POM121: variants seen among roughly 807,000 people sequenced by gnomAD.
POM121 encodes nuclear envelope pore membrane protein POM 121.
Under a neutral mutation model 81.3 loss-of-function variants are expected in POM121, and 32 were observed. The observed-to-expected ratio is 0.39, with a 90% CI of 0.30 to 0.53. POM121 has a LOEUF of 0.53. POM121 is among the 20% of genes least tolerant of loss of function. The probability of loss-of-function intolerance (pLI) is 0.66; values close to 1 mark genes in which losing one functional copy is unlikely to be tolerated. For missense variants in POM121, 1,138 were observed against 1,614.6 expected (o/e 0.70, Z 5.06); for synonymous variants, 514 against 694.2 (o/e 0.74, Z 4.08).
chr7:72,910,768 G>A (rs1353334176), intron 3 of POM121, among the ~76,000 whole-genome samples: 3 of 152,002 alleles, frequency 2.0e-5, no homozygotes, highest in Non-Finnish European at 4.4e-5. Flanking sequence ...GCTGTCATTT[G>A]GCTCGAAAGA....
rs1292417449 is a variant in POM121, at chr7:72,925,149, G to T, written c.28G>T (p.Ala10Ser). The part of the protein sequence containing the change: MSPAAAAAG[A>S]GERRRPIASV... ...GTCTCCGGCGGCTGCGGCGGCTGGA[G>T]CAGGCGAGCGGCGGCGGCCCATAGC... Residue 10 changes from alanine to serine, a missense_variant, in exon 1 of 13, where the codon GCA becomes TCA. Around this residue, in one of 7 missense-constraint regions of POM121, gnomAD observed 646 missense variants for 633.5 expected, o/e 1.02. Coordinates refer to ENST00000434423, the MANE Select transcript of POM121 (RefSeq NM_001387691.1). 2.0e-6 allele frequency: 3 copies of T among 1,467,236 alleles called. No individual in the cohort carries two copies. In the South Asian group the frequency reaches 4.0e-5, roughly 20 times the overall value. 90.9% of individuals were successfully genotyped at this position (1,467,236 alleles called of 1,614,324 possible). A position where few individuals can be genotyped will look rare whatever the true frequency, so the allele number is the denominator to read the frequency against.
chr7:72,925,440 G>A lies in POM121; in HGVS notation c.319G>A (p.Ala107Thr). 1 of 1,533,826 alleles carries A rather than the reference G, an allele frequency of 6.5e-7. No homozygotes were observed. Among genetic ancestry groups the A allele is most frequent in the East Asian group, 2.4e-5 (1 of 40,896 alleles). ...GGCGCGTCATCGGCGAACACTGTTC[G>A]CTTCGCCTCTGGCCAAGTCGACAGC... Reference protein sequence around the residue: ...RKARHRRTLFASPLAKSTANG... With the variant: ...RKARHRRTLFTSPLAKSTANG... The change falls in exon 1 of 13, where the codon GCT becomes ACT. Residue 107 changes from alanine (A) to threonine (T), a missense_variant. By Grantham distance (58) the Ala-to-Thr change is moderately conservative. This residue lies in a region of POM121 where 646 missense variants were observed against 633.5 expected (regional missense o/e 1.02). Coordinates refer to ENST00000434423, the MANE Select transcript of POM121 (RefSeq NM_001387691.1).
At chr7:72,926,596 G>A in intron 2 of POM121, 119 bp downstream of exon 2, 2 of 1,519,450 alleles carry the variant, frequency 1.3e-6, no homozygotes, top group Non-Finnish European at 1.8e-6. Flanking sequence ...TATTTGATGA[G>A]AAATACCAAA....
At chr7:72,886,983 C>T (rs1203130888) in intron 1 of POM121, among the ~76,000 whole-genome samples, 11 of 151,632 alleles carry the variant, frequency 7.3e-5, no homozygotes, top group East Asian at 5.8e-4. Context: ...TTCAAGTACC[C>T]GCCACCTCCC....
downstream of POM121, chr7:72,948,344 C>G (rs782172536): frequency 6.2e-7 from 1 of 1,610,282 alleles, no homozygotes; most frequent in Non-Finnish European, 8.5e-7. Flanking sequence ...CTTTTGCTCA[C>G]CAGCAAGAAC....
chr7:72,921,277 CTG>C (rs1293593658), upstream of POM121, among the ~76,000 whole-genome samples: 1 of 152,194 alleles, frequency 6.6e-6, no homozygotes, highest in Non-Finnish European at 1.5e-5. Flanking sequence ...AACCAAGTAT[CTG>C]TGCACCCCAT....
At chr7:72,911,428 T>G (rs1463441740) in intron 3 of POM121, among the ~76,000 whole-genome samples, 1 of 152,220 alleles carries the variant, frequency 6.6e-6, no homozygotes. Flanking sequence ...TACTTCTCAT[T>G]TTAGCGGCAA....
Position 72,890,507 on chromosome 7 carries a change from A to G in POM121, c.-520-120A>G. 3.6e-5 allele frequency: 43 copies of G among 1,205,750 alleles called. No individual in the cohort carries two copies. In the South Asian group the frequency reaches 6.1e-4, roughly 17 times the overall value. The allele number at this position is 1,205,750 out of a possible 1,614,324, so 74.7% of individuals were successfully genotyped here. A position where few individuals can be genotyped will look rare whatever the true frequency, so the allele number is the denominator to read the frequency against. On this transcript the variant is annotated intron_variant, in intron 1 of 15. Coordinates refer to the POM121 transcript ENST00000395270. The stretch of plus-strand genomic sequence containing the variant: ...TTTCCAATATGATTTCCCTTCCATA[A>G]TCTGTAACATAAAATAAGGTATACA...
Position 72,946,848 on chromosome 7 carries a change from G to T in POM121, c.*614G>T. The T allele has an allele frequency of 1.0e-6, 1 of 957,696 alleles. No individual in the cohort carries two copies. The highest frequency in any genetic ancestry group is 1.2e-6 in the Non-Finnish European group (1 of 816,544). 59.3% of individuals were successfully genotyped at this position (957,696 alleles called of 1,614,324 possible). A position where few individuals can be genotyped will look rare whatever the true frequency, so the allele number is the denominator to read the frequency against. On this transcript the variant is annotated 3_prime_UTR_variant, in exon 13 of 13. Coordinates refer to ENST00000434423, the MANE Select transcript of POM121 (RefSeq NM_001387691.1). ...GACCCCAGTGGGTGCTGCTCCTGCCGTTTTCTTCCTGCCAAGCCTGAATCA... is the reference window on the plus strand; with the variant it reads ...GACCCCAGTGGGTGCTGCTCCTGCCTTTTTCTTCCTGCCAAGCCTGAATCA...
intron 3 of POM121, among the ~76,000 whole-genome samples, chr7:72,908,543 C>A (rs563036913): frequency 2.6e-5 from 4 of 152,268 alleles, no homozygotes; most frequent in Admixed American, 2.0e-4. Context: ...GAGCAGACAA[C>A]CGGTTTGACC....
At chr7:72,904,448 T>C (rs1286323501) in intron 3 of POM121, among the ~76,000 whole-genome samples, 1 of 152,158 alleles carries the variant, frequency 6.6e-6, no homozygotes, top group Admixed American at 6.6e-5. Context: ...CTACGTGAGT[T>C]CTGGGTTAGG....
chr7:72,890,833 A>G (rs1791232979), intron 2 of POM121: 5 of 1,474,974 alleles, frequency 3.4e-6, no homozygotes, highest in East Asian at 2.3e-5. Flanking sequence ...TGACAACACC[A>G]TTTAATTCCT....
chr7:72,901,634 T>C (rs1185330810), intron 3 of POM121, among the ~76,000 whole-genome samples: 2 of 150,706 alleles, frequency 1.3e-5, no homozygotes, highest in Non-Finnish European at 3.0e-5. Context: ...ATTACAGGCA[T>C]GAGCCACTGT....
rs201551653 is a variant in POM121 at position 72,943,064 on chromosome 7, C to T, written c.3071C>T (p.Thr1024Met). The T allele has an allele frequency of 2.9e-4, 470 of 1,613,878 alleles. 2 individuals carry two copies. Among genetic ancestry groups the T allele is most frequent in the Admixed American group, 1.4e-3 (83 of 59,998 alleles). The part of the protein sequence containing the change: ...MIKVVPAYVP[T>M]PIHPIFGGAT... The stretch of plus-strand genomic sequence containing the variant: ...AAGGTCGTGCCTGCGTACGTGCCTA[C>T]GCCCATCCATCCTATCTTTGGCGGT... Residue 1024 changes from threonine to methionine, a missense_variant, in exon 11 of 13, where the codon ACG (threonine) becomes ATG (methionine). Thr to Met is a moderately conservative substitution (Grantham distance 81). This residue lies in a region of POM121 where 336 missense variants were observed against 344.3 expected (regional missense o/e 0.98). Coordinates refer to ENST00000434423, the MANE Select transcript of POM121 (RefSeq NM_001387691.1).
intron 3 of POM121, among the ~76,000 whole-genome samples, chr7:72,891,745 A>G (rs1791319290): frequency 6.6e-6 from 1 of 152,208 alleles, no homozygotes; most frequent in South Asian, 2.1e-4. Flanking sequence ...CAGAAGTCTG[A>G]CATAAAAATT....
At chr7:72,891,036 A>G in exon 3 of POM121, 2 of 789,024 alleles carry the variant, frequency 2.5e-6, no homozygotes, top group Non-Finnish European at 4.2e-6. Context: ...ACCAAGCCAA[A>G]CGTCATCATT....
chr7:72,900,990 G>A (rs1309027667), intron 3 of POM121, among the ~76,000 whole-genome samples: 11 of 141,966 alleles, frequency 7.7e-5, no homozygotes, highest in Non-Finnish European at 1.2e-4. Context: ...AGAATTTGGC[G>A]TTTTTTTTTT....
At chr7:72,894,626 GGAGAGAGAGAGAGAGAGAGAGAGAGA>G (rs71071923) in intron 3 of POM121, among the ~76,000 whole-genome samples, 6 of 23,324 alleles carry the variant, frequency 2.6e-4, no homozygotes, top group Non-Finnish European at 5.1e-4. Context: ...GAGAGAGAGA[GGAGAGAGAGAGAGAGAGAGAGAGAGA>G]GAGAGAGAGA....
chr7:72,879,503 AGGGTTCGCGCGGGCCG>A, exon 1 of POM121: 2 of 250,606 alleles, frequency 8.0e-6, no homozygotes, highest in South Asian at 7.1e-5. Flanking sequence ...TGTGCGGCCC[AGGGTTCGCGCGGGCCG>A]GGTAGAGGCT....
Sources: allele counts gnomAD v4.1 joint callset (sites outside exome capture counted in the v4.1 genomes callset), GRCh38; gene constraint gnomAD v4.1.1; regional missense constraint gnomAD v4.1.1; transcripts MANE v1.5; gene names NCBI Gene and HGNC (gene_info 2026-07-23, HGNC 2026-07-21).